Variants in GYS2 observed in about 807,000 individuals in gnomAD.
GYS2 encodes the protein glycogen synthase 2.
Under a neutral mutation model 85.6 loss-of-function variants are expected in GYS2, and 80 were observed. The ratio of observed to expected loss-of-function variants is 0.93; its 90% CI spans 0.78 to 1.13. The LOEUF (loss-of-function observed/expected upper bound fraction) is 1.13. GYS2 is among the 50% of genes most tolerant of loss of function. The pLI, the probability that GYS2 is intolerant of heterozygous loss-of-function variation, is 0.00. For missense variants in GYS2, 881 were observed against 854.9 expected (o/e 1.03, Z -0.38); for synonymous variants, 328 against 300.7 (o/e 1.09, Z -0.94).
chr12:21,549,508 T>C (rs1393926241), intron 11 of GYS2, among the ~76,000 whole-genome samples: 1 of 152,220 alleles, frequency 6.6e-6, no homozygotes, highest in Non-Finnish European at 1.5e-5. Flanking sequence ...ATGATTCAAA[T>C]AGTGATTTTT....
At chr12:21,573,266 C>G (rs926603921) in intron 4 of GYS2, among the ~76,000 whole-genome samples, 2 of 152,056 alleles carry the variant, frequency 1.3e-5, no homozygotes, top group Non-Finnish European at 2.9e-5. Flanking sequence ...TTATAGAATC[C>G]TAGAACTCTT....
intron 5 of GYS2, among the ~76,000 whole-genome samples, chr12:21,565,476 A>G (rs1243724898): frequency 7.1e-6 from 1 of 141,120 alleles, no homozygotes; most frequent in Non-Finnish European, 1.5e-5. Context: ...GTTTTAGGTT[A>G]TTTGTATGTA....
chr12:21,539,190 T>C (rs1412995170), intron 15 of GYS2, 68 bp downstream of exon 15: 1 of 908,652 alleles, frequency 1.1e-6, no homozygotes, highest in African/African-American at 1.7e-5. Flanking sequence ...TACTTCCAAA[T>C]TTAAATGTAT....
At chr12:21,546,937 A>G (rs547914822) in intron 11 of GYS2, among the ~76,000 whole-genome samples, 5 of 152,312 alleles carry the variant, frequency 3.3e-5, no homozygotes, top group Non-Finnish European at 7.4e-5. Flanking sequence ...GACAGGGAAG[A>G]TGTTCTAGGA....
At chr12:21,537,664 A>G (rs1032352905) in intron 15 of GYS2, among the ~76,000 whole-genome samples, 5 of 152,242 alleles carry the variant, frequency 3.3e-5, no homozygotes, top group Non-Finnish European at 7.3e-5. Flanking sequence ...TGGAAATGCC[A>G]TGGATGGCCA....
chr12:21,596,717 C>G (rs1944700876), intron 1 of GYS2, among the ~76,000 whole-genome samples: 1 of 152,130 alleles, frequency 6.6e-6, no homozygotes, highest in South Asian at 2.1e-4. Context: ...TCTCACCACT[C>G]CTCTTCAACA....
intron 5 of GYS2, 83 bp from the exon 6 acceptor site, chr12:21,563,428 A>G: frequency 6.3e-6 from 5 of 787,428 alleles, no homozygotes; most frequent in South Asian, 1.4e-5. Flanking sequence ...TTAAAACTAT[A>G]AAGTTAGATG....
At chr12:21,555,004 T>A (rs936632536) in intron 11 of GYS2, among the ~76,000 whole-genome samples, 12 of 152,146 alleles carry the variant, frequency 7.9e-5, no homozygotes, top group Admixed American at 1.3e-4. Context: ...CCACTTTCCC[T>A]CATCCCTCCC....
intron 12 of GYS2, 76 bp from the exon 13 acceptor site, chr12:21,542,667 G>T: frequency 1.1e-6 from 1 of 881,482 alleles, no homozygotes; most frequent in Non-Finnish European, 1.9e-6. Context: ...GGAGGAAAAG[G>T]CCCTAGTCCT....
At chr12:21,546,669 T>C (rs544505234) in intron 11 of GYS2, among the ~76,000 whole-genome samples, 199 bp from the exon 12 acceptor site, 17 of 152,204 alleles carry the variant, frequency 1.1e-4, no homozygotes, top group Non-Finnish European at 1.9e-4. Context: ...TAGAAGTGTC[T>C]ATGCTGCATA....
intron 1 of GYS2, among the ~76,000 whole-genome samples, chr12:21,594,186 A>C (rs1487406771): frequency 6.6e-6 from 1 of 152,130 alleles, no homozygotes; most frequent in Non-Finnish European, 1.5e-5. Flanking sequence ...CTAAGAACTG[A>C]AACAAAATAA....
At chr12:21,577,982 C>G (rs917990002) in intron 2 of GYS2, among the ~76,000 whole-genome samples, 1 of 152,162 alleles carries the variant, frequency 6.6e-6, no homozygotes, top group Non-Finnish European at 1.5e-5. Context: ...CTCATGGTTA[C>G]TTGACCTTAT....
intron 1 of GYS2, among the ~76,000 whole-genome samples, chr12:21,590,756 CCA>C (rs1281818175): frequency 2.0e-5 from 3 of 152,210 alleles, no homozygotes; most frequent in African/African-American, 7.2e-5. Context: ...AGGCCCACCA[CCA>C]CCACTGGGGC....
intron 11 of GYS2, among the ~76,000 whole-genome samples, chr12:21,551,623 G>C (rs922792460): frequency 6.6e-6 from 1 of 152,070 alleles, no homozygotes; most frequent in Non-Finnish European, 1.5e-5. Flanking sequence ...ATAAGTAAGA[G>C]ATAAGTTAAA....
intron 11 of GYS2, among the ~76,000 whole-genome samples, chr12:21,546,743 G>C (rs896663555): frequency 6.6e-6 from 1 of 152,092 alleles, no homozygotes; most frequent in Non-Finnish European, 1.5e-5. Context: ...GCTCATTTTT[G>C]CTCTCACACT....
intron 7 of GYS2, among the ~76,000 whole-genome samples, chr12:21,562,398 G>T (rs745461339): frequency 1.3e-5 from 2 of 152,132 alleles, no homozygotes; most frequent in African/African-American, 4.8e-5. Context: ...GCCTGCTTCA[G>T]TCGGGAGAGG....
At chr12:21,588,514 C>G (rs934770182) in intron 1 of GYS2, among the ~76,000 whole-genome samples, 5 of 152,192 alleles carry the variant, frequency 3.3e-5, no homozygotes, top group African/African-American at 1.2e-4. Flanking sequence ...AAAATGCAAG[C>G]AATTTTCATA....
In GYS2 at chr12:21,568,928, C is replaced by G. The variant is rs755758873; in HGVS notation, c.760G>C (p.Val254Leu). Residue 254 changes from valine to leucine, a missense_variant, in exon 5 of 16, where the codon GTG becomes CTG. By Grantham distance (32) the Val-to-Leu change is conservative. Coordinates refer to ENST00000261195, the MANE Select transcript of GYS2 (RefSeq NM_021957.4). ...MERASVHCAH[V>L]FTTVSEITAI... ...GTTATTTCAGAAACCGTGGTGAACA[C>G]GTGAGCGCAATGAACGGAAGCTCGC... The G allele has an allele frequency of 6.2e-7, 1 of 1,613,428 alleles. No individual in the cohort carries two copies. The highest frequency in any genetic ancestry group is 8.5e-7 in the Non-Finnish European group (1 of 1,179,350).
At chr12:21,583,302 A>G (rs979121978) in intron 1 of GYS2, among the ~76,000 whole-genome samples, 1 of 152,204 alleles carries the variant, frequency 6.6e-6, no homozygotes, top group Admixed American at 6.5e-5. Flanking sequence ...TATTCCTTCT[A>G]AAGTGAAGGA....
Sources: gnomAD v4.1 joint callset for allele counts (sites outside exome capture counted in the v4.1 genomes callset) on GRCh38, gnomAD v4.1.1 for gene constraint, MANE v1.5 for transcripts, NCBI Gene and HGNC (gene_info 2026-07-23, HGNC 2026-07-21) for gene names.